Variants in SLC22A23 observed in about 807,000 individuals in gnomAD.
SLC22A23 encodes the protein solute carrier family 22 member 23, also known as ion transporter protein.
Under a neutral mutation model 61.0 loss-of-function variants are expected in SLC22A23, and 26 were observed. That is an observed-to-expected ratio of 0.43 (90% CI 0.31 to 0.59). SLC22A23 has a LOEUF of 0.59. SLC22A23 is among the 20% of genes least tolerant of loss of function. The probability of loss-of-function intolerance (pLI) is 0.11; values close to 1 mark genes in which losing one functional copy is unlikely to be tolerated. For missense variants in SLC22A23, 796 were observed against 934.7 expected (o/e 0.85, Z 1.94); for synonymous variants, 430 against 413.9 (o/e 1.04, Z -0.47).
chr6:3,310,521 C>G (rs1478744744), intron 4 of SLC22A23, among the ~76,000 whole-genome samples: 1 of 152,228 alleles, frequency 6.6e-6, no homozygotes, highest in Admixed American at 6.5e-5. Context: ...ATTCCCATCT[C>G]TGTCCTCTTT....
At chr6:3,351,192 G>A (rs1207049764) in intron 3 of SLC22A23, among the ~76,000 whole-genome samples, 5 of 152,174 alleles carry the variant, frequency 3.3e-5, no homozygotes, top group African/African-American at 7.2e-5. Flanking sequence ...GAAAGTGAGA[G>A]CTAGAGAGGC....
chr6:3,408,193 T>C (rs895016072), intron 3 of SLC22A23, among the ~76,000 whole-genome samples: 15 of 152,246 alleles, frequency 9.9e-5, no homozygotes, highest in African/African-American at 3.4e-4. Flanking sequence ...CTGGGTTATA[T>C]GATTCTGTGC....
intron 3 of SLC22A23, among the ~76,000 whole-genome samples, chr6:3,405,061 C>A (rs1037216798): frequency 4.0e-5 from 6 of 151,860 alleles, no homozygotes; most frequent in Non-Finnish European, 8.8e-5. Flanking sequence ...GAGATCGAGA[C>A]CAGCCTGGCC....
intron 3 of SLC22A23, among the ~76,000 whole-genome samples, chr6:3,404,987 G>T (rs1379163521): frequency 6.6e-6 from 1 of 151,926 alleles, no homozygotes; most frequent in Non-Finnish European, 1.5e-5. Context: ...TCGGCCAGGT[G>T]CGGTGGCTCA....
At chr6:3,311,039 A>C (rs1057299867) in intron 4 of SLC22A23, among the ~76,000 whole-genome samples, 8 of 152,250 alleles carry the variant, frequency 5.3e-5, no homozygotes, top group Admixed American at 6.5e-5. Context: ...TCACGGGCTA[A>C]ACATGCACTG....
In SLC22A23 at chr6:3,286,661, G is replaced by C. The variant is rs112429103; in HGVS notation, c.1546+198C>G. On this transcript the variant is annotated intron_variant, in intron 7 of 9. Coordinates refer to ENST00000406686, the MANE Select transcript of SLC22A23 (RefSeq NM_015482.2). The surrounding 1 kb of genome is among the most constrained non-coding windows in gnomAD (Gnocchi z 4.2). ...GCAGCCCGGGCCGGGGCAGGGGCAG[G>C]GGGAGGCGGGAAGGCCCAGTGCCCT... is the stretch of plus-strand genomic sequence containing the variant. Among the ~76,000 whole-genome samples, 1,909 of 152,336 alleles carry C rather than the reference G, an allele frequency of 0.013. 52 individuals carry two copies. The highest frequency in any genetic ancestry group is 0.043 in the African/African-American group (1,805 of 41,562).
At chr6:3,284,791 G>T in intron 8 of SLC22A23, 1 of 999,036 alleles carries the variant, frequency 1.0e-6, no homozygotes, top group Non-Finnish European at 1.5e-6. Flanking sequence ...AAAGCATGTT[G>T]GCGCCGGGCC....
chr6:3,276,145 G>GT (rs1758880406), intron 9 of SLC22A23, among the ~76,000 whole-genome samples: 1 of 152,134 alleles, frequency 6.6e-6, no homozygotes, highest in East Asian at 1.9e-4. Context: ...CTTTTGTCCT[G>GT]TAACAAAATA....
At chr6:3,371,892 G>T (rs1448429801) in intron 3 of SLC22A23, among the ~76,000 whole-genome samples, 1 of 151,902 alleles carries the variant, frequency 6.6e-6, no homozygotes, top group Non-Finnish European at 1.5e-5. Context: ...AAAAAGCTGC[G>T]AGTTAACCTC....
rs559305319 is a variant in SLC22A23, at chr6:3,272,561, T to G, written c.*494A>C. On this transcript the variant is annotated 3_prime_UTR_variant, in exon 10 of 10. Coordinates refer to ENST00000406686, the MANE Select transcript of SLC22A23 (RefSeq NM_015482.2). ...GACTCTAGCAAAAGCCAAATTCATG[T>G]ACATTTCACTCCGTCTAAAATGCAG... 1.9e-4 allele frequency: 29 copies of G among 152,976 alleles called. No homozygotes were observed. Among genetic ancestry groups the G allele is most frequent in the African/African-American group, 6.7e-4 (28 of 41,588 alleles). 9.5% of individuals were successfully genotyped at this position (152,976 alleles called of 1,614,324 possible).
At chr6:3,405,600 G>A (rs1325292016) in intron 3 of SLC22A23, among the ~76,000 whole-genome samples, 1 of 150,652 alleles carries the variant, frequency 6.6e-6, no homozygotes, top group Non-Finnish European at 1.5e-5. Flanking sequence ...ACTCTGTGGA[G>A]CCATTTGGCT....
chr6:3,293,584 A>G (rs1760813911), intron 5 of SLC22A23, among the ~76,000 whole-genome samples: 1 of 152,254 alleles, frequency 6.6e-6, no homozygotes, highest in South Asian at 2.1e-4. Context: ...GACCTCTGTC[A>G]TCTCTGTCCT....
At position 3,456,013 on chromosome 6, in the gene SLC22A23, G is replaced by T; in HGVS notation, c.547C>A (p.Pro183Thr). 6.5e-7 allele frequency: 1 copy of T among 1,546,936 alleles called. No homozygotes were observed. The highest frequency in any genetic ancestry group is 8.7e-7 in the Non-Finnish European group (1 of 1,146,802). Residue 183 changes from proline to threonine, a missense_variant, in exon 1 of 10, where the codon CCA becomes ACA. By Grantham distance (38) the Pro-to-Thr change is conservative (BLOSUM62 -1). Transcript: ENST00000406686. The surrounding 1 kb of genome is among the most constrained non-coding windows in gnomAD (Gnocchi z 7.1). ...NSSGADGGDT[P>T]PLPSPPDKGD... is the part of the protein sequence containing the mutation. ...TTGTCCGGAGGGGATGGCAGGGGTG[G>T]TGTGTCGCCTCCGTCCGCGCCGCTG...
chr6:3,389,630 C>A (rs984129211), intron 3 of SLC22A23, among the ~76,000 whole-genome samples: 2 of 152,216 alleles, frequency 1.3e-5, no homozygotes, highest in African/African-American at 4.8e-5. Flanking sequence ...TTCAGGCTCA[C>A]TACAGTCACC....
chr6:3,453,188 T>G (rs74484504), intron 1 of SLC22A23, among the ~76,000 whole-genome samples: 1 of 152,302 alleles, frequency 6.6e-6, no homozygotes, highest in Non-Finnish European at 1.5e-5. Flanking sequence ...GCTTAAGTAC[T>G]GTAGATTTTT....
chr6:3,285,048 A>C, intron 8 of SLC22A23, 31 bp downstream of exon 8: 1 of 1,611,540 alleles, frequency 6.2e-7, no homozygotes, highest in African/African-American at 1.3e-5. Context: ...ATATGAGACG[A>C]GGAAGCACAG....
intron 3 of SLC22A23, among the ~76,000 whole-genome samples, chr6:3,398,466 T>G (rs947204353): frequency 2.6e-5 from 4 of 151,322 alleles, no homozygotes; most frequent in Non-Finnish European, 5.9e-5. Context: ...TTTTTTTTTT[T>G]TTTTTTTTTA....
At position 3,391,946 on chromosome 6, in the gene SLC22A23, T is replaced by C. The variant is rs146035628; in HGVS notation, c.913+18242A>G. On this transcript the variant is annotated intron_variant, in intron 3 of 9. Coordinates refer to ENST00000406686, the MANE Select transcript of SLC22A23 (RefSeq NM_015482.2). ...GCAAGCAGGAGCTGAAAGATCCATCTGGCTGGACACAGTGCAAGATCAAAG... is the reference window on the plus strand; with the variant it reads ...GCAAGCAGGAGCTGAAAGATCCATCCGGCTGGACACAGTGCAAGATCAAAG... 1.8e-4 allele frequency among the ~76,000 whole-genome samples: 28 copies of C among 152,302 alleles called. 1 individual carries two copies. In the East Asian group the frequency reaches 4.8e-3, roughly 26 times the overall value.
chr6:3,368,499 A>G (rs1313750126), intron 3 of SLC22A23, among the ~76,000 whole-genome samples: 1 of 152,228 alleles, frequency 6.6e-6, no homozygotes, highest in East Asian at 1.9e-4. Context: ...AAAAATATTC[A>G]TAAGATTCAG....
Sources: gnomAD v4.1 joint callset for allele counts (sites outside exome capture counted in the v4.1 genomes callset) on GRCh38, gnomAD v4.1.1 for gene constraint, Gnocchi (gnomAD v3.1) non-coding constraint, MANE v1.5 for transcripts, NCBI Gene and HGNC (gene_info 2026-07-23, HGNC 2026-07-21) for gene names.